AGMO: variants seen among roughly 807,000 people sequenced by gnomAD.
AGMO encodes the protein alkylglycerol monooxygenase, also known as glyceryl-ether monooxygenase.
A neutral mutation model predicts 60.2 loss-of-function variants in AGMO; 75 were observed. The ratio of observed to expected loss-of-function variants is 1.25; its 90% CI spans 1.03 to 1.51. The LOEUF (loss-of-function observed/expected upper bound fraction) is 1.51. AGMO is among the 40% of genes most tolerant of loss of function. The pLI is 0.00. For synonymous variants in AGMO, 261 were observed against 177.1 expected, an observed-to-expected ratio of 1.47 and a Z score of -3.76; for missense variants, 763 against 525.5, an observed-to-expected ratio of 1.45 and a Z score of -4.42.
intron 12 of AGMO, among the ~76,000 whole-genome samples, chr7:15,246,327 T>A (rs530438515): frequency 6.6e-6 from 1 of 152,350 alleles, no homozygotes; most frequent in Non-Finnish European, 1.5e-5. Context: ...TGTGAACTGC[T>A]GTTATTAAAA....
At chr7:15,253,812 A>C (rs1220702463) in intron 12 of AGMO, among the ~76,000 whole-genome samples, 1 of 152,168 alleles carries the variant, frequency 6.6e-6, no homozygotes, top group Non-Finnish European at 1.5e-5. Context: ...ATGTAACTGT[A>C]ACACCGTAGT....
chr7:15,192,736 A>T, the AGMO span, among the ~76,000 whole-genome samples: 3 of 152,142 alleles, frequency 2.0e-5, no homozygotes, highest in Non-Finnish European at 4.4e-5. Context: ...TCCAGCGCCC[A>T]AAAGTGCCCG....
intron 3 of AGMO, among the ~76,000 whole-genome samples, chr7:15,497,070 A>T (rs1042824574): frequency 1.3e-5 from 2 of 152,130 alleles, no homozygotes; most frequent in African/African-American, 4.8e-5. Flanking sequence ...GAAGAAGAAG[A>T]TATGAGCTGG....
At chr7:15,338,717 T>C (rs955559286) in intron 12 of AGMO, among the ~76,000 whole-genome samples, 5 of 152,186 alleles carry the variant, frequency 3.3e-5, no homozygotes. Context: ...CCCAAAATTG[T>C]CATTCCACTT....
At chr7:15,208,820 T>C (rs891938353) in intron 12 of AGMO, among the ~76,000 whole-genome samples, 9 of 152,354 alleles carry the variant, frequency 5.9e-5, no homozygotes, top group Non-Finnish European at 1.2e-4. Flanking sequence ...GTTTGCCTCA[T>C]ATCCAGCATG....
intron 3 of AGMO, among the ~76,000 whole-genome samples, chr7:15,450,021 T>A (rs1330593560): frequency 6.6e-6 from 1 of 152,216 alleles, no homozygotes; most frequent in African/African-American, 2.4e-5. Flanking sequence ...ACTCTTTTTT[T>A]CCAATTTAAT....
chr7:15,207,119 T>C (rs1321365062), intron 12 of AGMO, among the ~76,000 whole-genome samples: 1 of 152,178 alleles, frequency 6.6e-6, no homozygotes, highest in Admixed American at 6.5e-5. Flanking sequence ...CACGATAACA[T>C]TTGAAAACCA....
chr7:15,200,475 T>A lies in AGMO; in HGVS notation c.*810A>T, dbSNP rs1387389896. On this transcript the variant is annotated 3_prime_UTR_variant, in exon 13 of 13. Transcript: ENST00000342526. ...GTTGAAAAAACTAATTCTGACAAAT[T>A]CTGTTCATTTTTCTTTCAGTGATGT... is the stretch of plus-strand genomic sequence containing the variant. The A allele has an allele frequency of 6.6e-6, 1 of 152,192 alleles. No individual in the cohort carries two copies. The allele number at this position is 152,192 out of a possible 1,614,324, so 9.4% of individuals were successfully genotyped here. A position where few individuals can be genotyped will look rare whatever the true frequency, so the allele number is the denominator to read the frequency against.
At position 15,470,896 on chromosome 7, in the gene AGMO, T is replaced by C. The variant is rs576525056; in HGVS notation, c.410-39788A>G. Among the ~76,000 whole-genome samples, 15 of 152,122 alleles carry C rather than the reference T, an allele frequency of 9.9e-5. No individual in the cohort carries two copies. In the East Asian group the frequency reaches 2.7e-3, roughly 27 times the overall value. ...ATTTTCTCTAATATAAGTATGTATA[T>C]ATTCTTTCAGAATAATAAATATATC... On this transcript the variant is annotated intron_variant, in intron 3 of 12. Transcript: ENST00000342526.
At chr7:15,187,969 CA>C in the AGMO span, among the ~76,000 whole-genome samples, 2 of 152,096 alleles carry the variant, frequency 1.3e-5, no homozygotes, top group Non-Finnish European at 2.9e-5. Context: ...TAACAGTGCT[CA>C]ACTGACATTA....
At chr7:15,192,484 C>T in the AGMO span, among the ~76,000 whole-genome samples, 1 of 152,068 alleles carries the variant, frequency 6.6e-6, no homozygotes, top group Non-Finnish European at 1.5e-5. Flanking sequence ...TCCTTTCTAG[C>T]TCCCCATCCA....
the AGMO span, among the ~76,000 whole-genome samples, chr7:15,155,419 C>CTTTTTTTTTTTTTTTTTT: frequency 9.4e-5 from 6 of 63,912 alleles, 1 homozygote; most frequent in African/African-American, 1.3e-4. Context: ...TACAGAATTT[C>CTTTTTTTTTTTTTTTTTT]TTTTTTTTTT....
intron 3 of AGMO, among the ~76,000 whole-genome samples, chr7:15,542,286 GT>G: frequency 6.6e-6 from 1 of 152,218 alleles, no homozygotes; most frequent in Non-Finnish European, 1.5e-5. Flanking sequence ...GGTTGTGAAT[GT>G]TTTTCCAGAA....
intron 12 of AGMO, among the ~76,000 whole-genome samples, chr7:15,272,147 T>C (rs1227465795): frequency 1.3e-5 from 2 of 152,018 alleles, no homozygotes; most frequent in African/African-American, 4.8e-5. Flanking sequence ...CTTTTTTTTA[T>C]TATACTTTAA....
chr7:15,212,279 CA>C (rs1781615616), intron 12 of AGMO, among the ~76,000 whole-genome samples: 1 of 138,050 alleles, frequency 7.2e-6, no homozygotes, highest in African/African-American at 2.8e-5. Context: ...CACACACACA[CA>C]CACACACAAA....
intron 3 of AGMO, among the ~76,000 whole-genome samples, chr7:15,461,574 G>A (rs757557940): frequency 2.0e-4 from 30 of 152,038 alleles, no homozygotes; most frequent in Non-Finnish European, 3.4e-4. Flanking sequence ...GAGCAGTAGG[G>A]GTTCTCATTA....
At chr7:15,552,774 G>A (rs1267088017) in intron 2 of AGMO, among the ~76,000 whole-genome samples, 3 of 150,014 alleles carry the variant, frequency 2.0e-5, no homozygotes, top group African/African-American at 7.3e-5. Flanking sequence ...GATTCTTCAG[G>A]GATCTAGAAC....
chr7:15,389,985 C>T (rs1339279640), intron 8 of AGMO, among the ~76,000 whole-genome samples: 1 of 152,174 alleles, frequency 6.6e-6, no homozygotes, highest in South Asian at 2.1e-4. Context: ...GTCCCCCGTA[C>T]AGAGCTGTCA....
chr7:15,119,203 G>C, the AGMO span, among the ~76,000 whole-genome samples: 1 of 151,696 alleles, frequency 6.6e-6, no homozygotes, highest in African/African-American at 2.4e-5. Flanking sequence ...GCCCTGGTGA[G>C]AGGTGATTAG....
Sources: allele counts gnomAD v4.1 joint callset (sites outside exome capture counted in the v4.1 genomes callset), GRCh38; gene constraint gnomAD v4.1.1; transcripts MANE v1.5; gene names NCBI Gene and HGNC (gene_info 2026-07-23, HGNC 2026-07-21).